LRIG2: variants seen among roughly 807,000 people sequenced by gnomAD.
LRIG2 encodes the protein leucine rich repeats and immunoglobulin like domains 2, also known as leucine-rich repeats and immunoglobulin-like domains protein 2.
LRIG2 carries 93 observed loss-of-function variants against 107.8 expected under a neutral mutation model. The observed-to-expected ratio is 0.86, with a 90% CI of 0.73 to 1.03. The LOEUF is 1.03. Ranked by LOEUF, LRIG2 falls within the 50% of genes least tolerant of loss-of-function variation. The pLI, the probability that LRIG2 is intolerant of heterozygous loss-of-function variation, is 0.00. For missense variants in LRIG2, 1,226 were observed against 1,296.0 expected (o/e 0.95, Z 0.83); for synonymous variants, 471 against 470.6 (o/e 1.00, Z -0.01).
rs1292566722 is a variant in LRIG2 at position 113,119,281 on chromosome 1, A to G, written c.2729A>G (p.Asn910Ser). ...TGCTCAGATTGTTATGACAATGCCA[A>G]CATCTACTCCAGGACCCGAGAATAC... ...VICSDCYDNANIYSRTREYCP... is the reference protein window; with the variant it reads ...VICSDCYDNASIYSRTREYCP... The change falls in exon 17 of 18, where the codon AAC becomes AGC. Residue 910 changes from asparagine to serine, a missense_variant. Asn to Ser is a conservative substitution (Grantham distance 46). Around this residue, in one of 3 missense-constraint regions of LRIG2, gnomAD observed 642 missense variants for 712.2 expected, o/e 0.90. Coordinates refer to ENST00000361127, the MANE Select transcript of LRIG2 (RefSeq NM_014813.3). 1.2e-6 allele frequency: 2 copies of G among 1,614,116 alleles called. No homozygotes were observed. Among genetic ancestry groups the G allele is most frequent in the African/African-American group, 1.3e-5 (1 of 75,028 alleles).
intron 1 of LRIG2, among the ~76,000 whole-genome samples, chr1:113,073,857 G>A (rs981781977): frequency 6.6e-6 from 1 of 151,990 alleles, no homozygotes; most frequent in African/African-American, 2.4e-5. Flanking sequence ...ATGAAGACGA[G>A]GGTTAAGATT....
chr1:113,121,896 T>C (rs1447894075), intron 17 of LRIG2, among the ~76,000 whole-genome samples: 1 of 152,086 alleles, frequency 6.6e-6, no homozygotes, highest in Non-Finnish European at 1.5e-5. Flanking sequence ...ATCATGCTTT[T>C]GATTTTAATT....
At chr1:113,096,127 G>T in intron 7 of LRIG2, 95 bp from the exon 8 acceptor site, 2 of 1,578,250 alleles carry the variant, frequency 1.3e-6, no homozygotes, top group Non-Finnish European at 1.7e-6. Flanking sequence ...CTAGAAATTT[G>T]TAGAAAGCTC....
chr1:113,083,576 C>A (rs1403758619), intron 1 of LRIG2, among the ~76,000 whole-genome samples: 1 of 151,694 alleles, frequency 6.6e-6, no homozygotes, highest in Non-Finnish European at 1.5e-5. Context: ...GAACTCCAGA[C>A]CTCAGGTGAT....
intron 1 of LRIG2, among the ~76,000 whole-genome samples, chr1:113,079,880 C>G (rs1653179793): frequency 6.6e-6 from 1 of 150,746 alleles, no homozygotes; most frequent in African/African-American, 2.4e-5. Context: ...CAGGCGCCCA[C>G]CACCATGCCT....
At chr1:113,099,053 C>T (rs1324631150) in intron 9 of LRIG2, among the ~76,000 whole-genome samples, 1 of 152,030 alleles carries the variant, frequency 6.6e-6, no homozygotes, top group Non-Finnish European at 1.5e-5. Context: ...TCTCCTGCCT[C>T]AGCCTCCTGA....
chr1:113,102,863 A>G (rs1481615707), intron 11 of LRIG2, among the ~76,000 whole-genome samples: 2 of 152,174 alleles, frequency 1.3e-5, no homozygotes, highest in African/African-American at 4.8e-5. Flanking sequence ...TAAAATTAAA[A>G]TGTTATGAAA....
chr1:113,088,361 C>T (rs1210526552), intron 1 of LRIG2, among the ~76,000 whole-genome samples: 1 of 152,200 alleles, frequency 6.6e-6, no homozygotes, highest in Non-Finnish European at 1.5e-5. Context: ...GGACACTGGA[C>T]AGTTTTCACT....
chr1:113,076,990 G>T (rs935736103), intron 1 of LRIG2, among the ~76,000 whole-genome samples: 4 of 152,034 alleles, frequency 2.6e-5, no homozygotes, highest in African/African-American at 9.7e-5. Context: ...TTCCCCCAAT[G>T]ATGTGTTGTC....
chr1:113,073,762 A>AT, intron 1 of LRIG2, 117 bp downstream of exon 1: 1 of 953,056 alleles, frequency 1.0e-6, no homozygotes, highest in Non-Finnish European at 1.5e-6. Context: ...TAAGCTCTGA[A>AT]GGAAACTGCC....
At chr1:113,075,507 A>T (rs1444956553) in intron 1 of LRIG2, among the ~76,000 whole-genome samples, 2 of 152,144 alleles carry the variant, frequency 1.3e-5, no homozygotes, top group African/African-American at 4.8e-5. Context: ...TTATTGACCC[A>T]AATTTAAAAA....
intron 1 of LRIG2, among the ~76,000 whole-genome samples, chr1:113,075,899 G>T (rs1409924525): frequency 6.6e-6 from 1 of 151,602 alleles, no homozygotes; most frequent in Non-Finnish European, 1.5e-5. Context: ...GTTTCACCAT[G>T]TTGGCCAGTC....
chr1:113,106,748 G>A (rs1016923493), intron 11 of LRIG2, among the ~76,000 whole-genome samples: 25 of 151,938 alleles, frequency 1.6e-4, no homozygotes, highest in Middle Eastern at 3.2e-3. Flanking sequence ...CAGGTGATCC[G>A]CCCGCCTCTG....
intron 9 of LRIG2, among the ~76,000 whole-genome samples, chr1:113,099,407 A>G: frequency 6.7e-6 from 1 of 148,898 alleles, no homozygotes; most frequent in East Asian, 2.0e-4. Flanking sequence ...TAGCTAATTA[A>G]AATTTTTTTT....
chr1:113,114,410 T>TA lies in LRIG2; in HGVS notation c.2081-15dup. The TA allele has an allele frequency of 2.0e-6, 3 of 1,510,004 alleles. No homozygotes were observed. The South Asian group carries it at 3.8e-5, about 19-fold the overall frequency. 93.5% of individuals were successfully genotyped at this position (1,510,004 alleles called of 1,614,324 possible). A position where few individuals can be genotyped will look rare whatever the true frequency, so the allele number is the denominator to read the frequency against. On this transcript the variant is annotated splice_polypyrimidine_tract_variant and intron_variant, in intron 14 of 17. Transcript: ENST00000361127. ...CCTAACTTTTCATTTTTTTTTTTTTTAATGTTTTCCTGTTAGAGACACCCT... is the reference window on the plus strand; with the variant it reads ...CCTAACTTTTCATTTTTTTTTTTTTTAAATGTTTTCCTGTTAGAGACACCCT...
chr1:113,078,562 AG>A (rs1182723249), intron 1 of LRIG2, among the ~76,000 whole-genome samples: 3 of 151,966 alleles, frequency 2.0e-5, no homozygotes, highest in Non-Finnish European at 4.4e-5. Context: ...TGTGATGTCA[AG>A]CAAAAACTTC....
intron 13 of LRIG2, 26 bp from the exon 14 acceptor site, chr1:113,112,453 T>C (rs571780017): frequency 1.3e-6 from 2 of 1,588,486 alleles, no homozygotes; most frequent in Non-Finnish European, 1.7e-6. Flanking sequence ...TTGCCCACTT[T>C]TTCTTGGTGA....
At chr1:113,085,820 A>G (rs982072825) in intron 1 of LRIG2, among the ~76,000 whole-genome samples, 8 of 152,192 alleles carry the variant, frequency 5.3e-5, no homozygotes, top group African/African-American at 1.9e-4. Context: ...GAAAGTTCCA[A>G]GAAGTGAGAG....
chr1:113,100,562 G>T, intron 11 of LRIG2, 74 bp downstream of exon 11: 2 of 825,370 alleles, frequency 2.4e-6, no homozygotes, highest in Non-Finnish European at 4.0e-6. Flanking sequence ...TGTGATGGGA[G>T]TGACCCAAGT....
Sources: gnomAD v4.1 joint callset for allele counts (sites outside exome capture counted in the v4.1 genomes callset) on GRCh38, gnomAD v4.1.1 for gene constraint, gnomAD v4.1.1 regional missense constraint, MANE v1.5 for transcripts, NCBI Gene and HGNC (gene_info 2026-07-23, HGNC 2026-07-21) for gene names.